Variants in CCDC148 observed in about 807,000 individuals in gnomAD.
The protein encoded by CCDC148 is coiled-coil domain-containing protein 148.
In CCDC148, 89 loss-of-function variants were observed where a neutral mutation model predicts 85.7. That is an observed-to-expected ratio of 1.04 (90% CI 0.87 to 1.24). CCDC148 has a LOEUF of 1.24. Ranked by LOEUF, CCDC148 falls within the 50% of genes most tolerant of loss-of-function variation. The pLI, the probability that CCDC148 is intolerant of heterozygous loss-of-function variation, is 0.00. For missense variants in CCDC148, 692 were observed against 671.7 expected, an observed-to-expected ratio of 1.03 and a Z score of -0.33; for synonymous variants, 230 against 213.9, an observed-to-expected ratio of 1.08 and a Z score of -0.66.
At chr2:158,270,228 G>T (rs1295696316) in intron 9 of CCDC148, among the ~76,000 whole-genome samples, 1 of 152,058 alleles carries the variant, frequency 6.6e-6, no homozygotes, top group Non-Finnish European at 1.5e-5. Flanking sequence ...TTTGTAAATT[G>T]GCATTGTTTT....
rs750591494 is a variant in CCDC148 at position 158,358,513 on chromosome 2, T to A, written c.83A>T (p.Asp28Val). Residue 28 changes from aspartate (D) to valine (V), a missense_variant, in exon 2 of 14, where the codon GAC becomes GTC. Coordinates refer to ENST00000283233, the MANE Select transcript of CCDC148 (RefSeq NM_138803.4). ...AGTTAATGCACGCAATTGTTGATAG[T>A]CTACTGGTTTGTACTTGATGTTTCT... ...EMRNIKYKPV[D>V]YQQLRALTEA... The A allele has an allele frequency of 1.2e-6, 2 of 1,608,706 alleles. No homozygotes were observed. Among genetic ancestry groups the A allele is most frequent in the South Asian group, 2.2e-5 (2 of 90,300 alleles).
At chr2:158,359,812 C>T (rs1021402995) in intron 1 of CCDC148, among the ~76,000 whole-genome samples, 1 of 152,134 alleles carries the variant, frequency 6.6e-6, no homozygotes, top group African/African-American at 2.4e-5. Context: ...ACCTGGAATG[C>T]CAGTGAGACA....
At chr2:158,423,124 A>G (rs2105325245) in intron 1 of CCDC148, among the ~76,000 whole-genome samples, 1 of 152,338 alleles carries the variant, frequency 6.6e-6, no homozygotes, top group East Asian at 1.9e-4. Context: ...ATGGATAGGA[A>G]GAATCAATAT....
At chr2:158,295,884 T>G (rs962691845) in intron 9 of CCDC148, among the ~76,000 whole-genome samples, 3 of 151,728 alleles carry the variant, frequency 2.0e-5, no homozygotes, top group African/African-American at 7.3e-5. Flanking sequence ...GGGCAATTAG[T>G]CAGGAGAAGG....
intron 10 of CCDC148, among the ~76,000 whole-genome samples, chr2:158,221,432 T>C (rs1024423352): frequency 6.6e-6 from 1 of 152,190 alleles, no homozygotes; most frequent in Non-Finnish European, 1.5e-5. Flanking sequence ...GATTTCCCAA[T>C]GTGATGGGAC....
chr2:158,417,310 T>A (rs1049836577), intron 1 of CCDC148, among the ~76,000 whole-genome samples: 2 of 152,208 alleles, frequency 1.3e-5, no homozygotes, highest in Non-Finnish European at 2.9e-5. Flanking sequence ...ATAAGCATAC[T>A]GTGGTGGCCC....
In CCDC148 at chr2:158,345,334, C is replaced by A. The variant is rs555336136; in HGVS notation, c.148-16G>T. On this transcript the variant is annotated splice_polypyrimidine_tract_variant and intron_variant, in intron 2 of 13. Coordinates refer to ENST00000283233, the MANE Select transcript of CCDC148 (RefSeq NM_138803.4). Reference sequence around the variant, plus strand: ...CTTTTCTGATCTAGATTTAGAGGAACAAAAGAGGAGCAACTTCAAAGTTTT... The same window carrying A: ...CTTTTCTGATCTAGATTTAGAGGAAAAAAAGAGGAGCAACTTCAAAGTTTT... 7.0e-6 allele frequency: 11 copies of A among 1,571,554 alleles called. No homozygotes were observed. The South Asian group carries it at 1.1e-4, about 16-fold the overall frequency.
intron 1 of CCDC148, among the ~76,000 whole-genome samples, chr2:158,396,696 G>A (rs781209206): frequency 5.3e-5 from 8 of 152,054 alleles, no homozygotes; most frequent in Non-Finnish European, 1.0e-4. Flanking sequence ...AGGGTCATTG[G>A]AAGGTTTAAA....
intron 7 of CCDC148, among the ~76,000 whole-genome samples, chr2:158,335,315 T>C (rs7597375): frequency 0.17 from 25,631 of 152,174 alleles, 3,483 homozygotes; most frequent in African/African-American, 0.38. Context: ...CTAACCCTAC[T>C]CATTCTTCAA....
chr2:158,333,200 C>A (rs1183218816), intron 7 of CCDC148, among the ~76,000 whole-genome samples: 1 of 152,136 alleles, frequency 6.6e-6, no homozygotes, highest in East Asian at 1.9e-4. Context: ...AAATGTGTCC[C>A]AGATATTCTG....
intron 7 of CCDC148, among the ~76,000 whole-genome samples, chr2:158,329,387 T>C (rs1239681833): frequency 6.6e-6 from 1 of 152,240 alleles, no homozygotes; most frequent in Non-Finnish European, 1.5e-5. Context: ...TCTGTTTTGG[T>C]ACCAGTACCA....
chr2:158,172,720 G>T (rs58604141), intron 13 of CCDC148, among the ~76,000 whole-genome samples: 38,077 of 151,902 alleles, frequency 0.25, 6,028 homozygotes, highest in East Asian at 0.55. Flanking sequence ...AAAATCAATA[G>T]AACTTTTCTT....
At chr2:158,206,785 T>C (rs1268748521) in intron 11 of CCDC148, among the ~76,000 whole-genome samples, 1 of 152,190 alleles carries the variant, frequency 6.6e-6, no homozygotes, top group Non-Finnish European at 1.5e-5. Flanking sequence ...AGTGCCCATG[T>C]ATTGTATATA....
chr2:158,427,068 T>TA (rs1271162619), intron 1 of CCDC148, among the ~76,000 whole-genome samples: 1 of 152,074 alleles, frequency 6.6e-6, no homozygotes, highest in Non-Finnish European at 1.5e-5. Context: ...TTGAAATAAA[T>TA]AAAAATAATA....
chr2:158,425,097 G>T, intron 1 of CCDC148: 1 of 470,006 alleles, frequency 2.1e-6, no homozygotes. Flanking sequence ...ATGATCTAGT[G>T]ACTACTATGA....
chr2:158,187,455 C>G (rs548928629), intron 11 of CCDC148, among the ~76,000 whole-genome samples: 207 of 152,004 alleles, frequency 1.4e-3, no homozygotes, highest in African/African-American at 4.9e-3. Flanking sequence ...AATTTCTTAA[C>G]TGAGGAAGCC....
At chr2:158,323,959 T>C (rs1251521480) in intron 7 of CCDC148, among the ~76,000 whole-genome samples, 1 of 138,774 alleles carries the variant, frequency 7.2e-6, no homozygotes, top group African/African-American at 2.8e-5. Flanking sequence ...GATAGGGTCT[T>C]ACCCTGTTGC....
At position 158,221,992 on chromosome 2, in the gene CCDC148, C is replaced by T. The variant is rs185143750; in HGVS notation, c.1252-1279G>A. On this transcript the variant is annotated intron_variant, in intron 10 of 13. Coordinates refer to ENST00000283233, the MANE Select transcript of CCDC148 (RefSeq NM_138803.4). The stretch of plus-strand genomic sequence containing the variant: ...CAGGGAATTCTATTAATGACAGATA[C>T]GGAAATGTTAGCAATGATTATGTCA... Among the ~76,000 whole-genome samples, 205 of 152,136 alleles carry T rather than the reference C, an allele frequency of 1.3e-3. 1 individual carries two copies. Among genetic ancestry groups the T allele is most frequent in the Non-Finnish European group, 1.7e-3 (115 of 67,992 alleles).
intron 11 of CCDC148, among the ~76,000 whole-genome samples, chr2:158,207,954 G>GACAC (rs34660144): frequency 0.15 from 22,697 of 148,952 alleles, 1,989 homozygotes; most frequent in Middle Eastern, 0.23. Flanking sequence ...ATTTTGATCT[G>GACAC]ACACACACAC....
Sources: allele counts gnomAD v4.1 joint callset (sites outside exome capture counted in the v4.1 genomes callset), GRCh38; gene constraint gnomAD v4.1.1; transcripts MANE v1.5; gene names NCBI Gene and HGNC (gene_info 2026-07-23, HGNC 2026-07-21).